The following KIR3DL2 variants were observed in gnomAD, a reference collection of about 807,000 sequenced individuals.
The protein encoded by KIR3DL2 is killer cell immunoglobulin-like receptor 3DL2.
A neutral mutation model predicts 41.6 loss-of-function variants in KIR3DL2; 42 were observed. That is an observed-to-expected ratio of 1.01 (90% CI 0.79 to 1.31). The LOEUF (loss-of-function observed/expected upper bound fraction) is 1.31, where lower values mean the gene tolerates loss of function less well. KIR3DL2 is among the 50% of genes most tolerant of loss of function. The pLI, the probability that KIR3DL2 is intolerant of heterozygous loss-of-function variation, is 0.00. For synonymous variants in KIR3DL2, 230 were observed against 221.3 expected (o/e 1.04, Z -0.35); for missense variants, 728 against 576.8 (o/e 1.26, Z -2.68).
chr19:54,860,622 G>C (rs1309882322), intron 6 of KIR3DL2, among the ~76,000 whole-genome samples: 1 of 151,544 alleles, frequency 6.6e-6, no homozygotes, highest in African/African-American at 2.4e-5. Context: ...TGATCCAATA[G>C]CCTCTGCCTC....
chr19:54,853,887 C>G lies in KIR3DL2; in HGVS notation c.496C>G (p.Arg166Gly), dbSNP rs750152740. The change falls in exon 4 of 9, where the codon CGC (arginine) becomes GGC (glycine). Residue 166 changes from arginine (R) to glycine (G), a missense_variant. By Grantham distance (125) the Arg-to-Gly change is moderately radical. Transcript: ENST00000326321. ...AGAGGGGATCTCTGAGGACCCCTCA[C>G]GCCTCGTTGGACAGATCCATGATGG... ...HREGISEDPSRLVGQIHDGVS... is the reference protein window; with the variant it reads ...HREGISEDPSGLVGQIHDGVS... The G allele has an allele frequency of 3.7e-6, 6 of 1,613,248 alleles. No individual in the cohort carries two copies. The highest frequency in any genetic ancestry group is 4.2e-6 in the Non-Finnish European group (5 of 1,179,828).
rs747059054 is a variant in KIR3DL2, at chr19:54,853,787, C to G, written c.396C>G (p.Pro132=). The G allele has an allele frequency of 1.8e-4, 286 of 1,611,808 alleles. No homozygotes were observed. In the South Asian group the frequency reaches 3.0e-3, roughly 17 times the overall value. ...RKPSLLAHPG[P]LLKSGETVIL... ...CTTCCCTCCTGGCCCACCCAGGGCC[C>G]CTGCTGAAATCAGGAGAGACAGTCA... is the stretch of plus-strand genomic sequence containing the variant. The change falls in exon 4 of 9, where the codon CCC becomes CCG. Residue 132 remains proline (P), a synonymous_variant. Coordinates refer to ENST00000326321, the MANE Select transcript of KIR3DL2 (RefSeq NM_006737.4).
chr19:54,854,146 A>C, intron 4 of KIR3DL2, 100 bp downstream of exon 4: 1 of 1,395,412 alleles, frequency 7.2e-7, no homozygotes, highest in Non-Finnish European at 1.0e-6. Context: ...TAAGCGTGGG[A>C]TTCTTATGGA....
chr19:54,854,359 G>A (rs1291051894), intron 4 of KIR3DL2, among the ~76,000 whole-genome samples: 1 of 151,786 alleles, frequency 6.6e-6, no homozygotes, highest in Non-Finnish European at 1.5e-5. Flanking sequence ...CAGAGACCTG[G>A]CACAGGTTAG....
At chr19:54,862,564 G>A (rs146121024) in intron 6 of KIR3DL2, among the ~76,000 whole-genome samples, 5,357 of 152,048 alleles carry the variant, frequency 0.035, 305 homozygotes, top group African/African-American at 0.12. Context: ...AAAGCTGCTC[G>A]GGACATATGG....
intron 1 of KIR3DL2, 56 bp from the exon 2 acceptor site, chr19:54,851,164 G>T: frequency 6.3e-7 from 1 of 1,599,914 alleles, no homozygotes; most frequent in African/African-American, 1.4e-5. Context: ...AGTGGGGGCA[G>T]CAGGGTGCCC....
chr19:54,860,420 G>A (rs1348202067), intron 6 of KIR3DL2, among the ~76,000 whole-genome samples: 1 of 152,054 alleles, frequency 6.6e-6, no homozygotes, highest in Non-Finnish European at 1.5e-5. Flanking sequence ...GTCCAGGCTA[G>A]AGTGCGGTGG....
Position 54,855,348 on chromosome 19 carries a change from G to A in KIR3DL2, c.656-271G>A, listed in dbSNP as rs2064658728. On this transcript the variant is annotated intron_variant, in intron 4 of 8. Coordinates refer to ENST00000326321, the MANE Select transcript of KIR3DL2 (RefSeq NM_006737.4). ...TGAGAGACTCAGAATTATAGAAAAA[G>A]GAAGATCAAGTCAACCAATCCAAGG... 1.3e-5 allele frequency among the ~76,000 whole-genome samples: 2 copies of A among 151,718 alleles called. 1 individual carries two copies. Among genetic ancestry groups the A allele is most frequent in the Non-Finnish European group, 2.9e-5 (2 of 67,968 alleles).
At chr19:54,864,132 G>A (rs1161838936) in intron 6 of KIR3DL2, among the ~76,000 whole-genome samples, 1 of 152,000 alleles carries the variant, frequency 6.6e-6, no homozygotes, top group Non-Finnish European at 1.5e-5. Flanking sequence ...CCCATTGCTT[G>A]TTTTTCTCAG....
At position 54,865,817 on chromosome 19, in the gene KIR3DL2, A is replaced by T; in HGVS notation, c.1013A>T (p.His338Leu). The change falls in exon 7 of 9, where the codon CAC becomes CTC. Residue 338 changes from histidine (H) to leucine (L), a missense_variant. Physicochemically the swap from His to Leu is moderately conservative, Grantham distance 99 (BLOSUM62 -3). Transcript: ENST00000326321. The stretch of plus-strand genomic sequence containing the variant: ...CATCTTCCTCCAGGTATCTGCAGAC[A>T]CCTGCATGTTCTGATTGGGACCTCA... The part of the protein sequence containing the change: ...EPSSKSGICR[H>L]LHVLIGTSVV... 2 of 1,612,934 alleles carry T rather than the reference A, an allele frequency of 1.2e-6. No homozygotes were observed. Among genetic ancestry groups the T allele is most frequent in the Non-Finnish European group, 1.7e-6 (2 of 1,178,996 alleles).
At chr19:54,852,799 C>CTTGA (rs2064395200) in intron 3 of KIR3DL2, among the ~76,000 whole-genome samples, 1 of 150,936 alleles carries the variant, frequency 6.6e-6, no homozygotes. Context: ...CTGCAGATGC[C>CTTGA]TTGATTTCAG....
At chr19:54,860,521 C>G (rs1252513232) in intron 6 of KIR3DL2, among the ~76,000 whole-genome samples, 1 of 151,968 alleles carries the variant, frequency 6.6e-6, no homozygotes, top group Non-Finnish European at 1.5e-5. Context: ...AGACCACAAC[C>G]ACCACGCCCG....
intron 6 of KIR3DL2, among the ~76,000 whole-genome samples, chr19:54,862,656 C>T (rs1433828735): frequency 6.6e-6 from 1 of 151,970 alleles, no homozygotes; most frequent in East Asian, 1.9e-4. Context: ...ACAGGAAGCA[C>T]TCAGCTAAAG....
chr19:54,852,031 C>T lies in KIR3DL2; in HGVS notation c.104C>T (p.Pro35Leu). 1.2e-6 allele frequency: 2 copies of T among 1,611,660 alleles called. No homozygotes were observed. Among genetic ancestry groups the T allele is most frequent in the Non-Finnish European group, 1.7e-6 (2 of 1,178,796 alleles). Reference protein sequence around the residue: ...GQDKPFLSARPSTVVPRGGHV... With the variant: ...GQDKPFLSARLSTVVPRGGHV... ...GACAAACCCTTCCTGTCTGCCCGGC[C>T]CAGCACTGTGGTGCCTCGAGGAGGA... is the stretch of plus-strand genomic sequence containing the variant. Residue 35 changes from proline (P) to leucine (L), a missense_variant, in exon 3 of 9, where the codon CCC becomes CTC. Physicochemically the swap from Pro to Leu is moderately conservative, Grantham distance 98 (BLOSUM62 -3). Transcript: ENST00000326321.
rs150015598 is a variant in KIR3DL2, at chr19:54,863,104, T to C, written c.1001-2701T>C. Among the ~76,000 whole-genome samples the C allele has an allele frequency of 4.1e-3, 606 of 146,158 alleles. 7 individuals are homozygous for C. The highest frequency in any genetic ancestry group is 7.1e-3 in the Middle Eastern group (2 of 282). ...CCCACCTATAAGTGAGAACATGCGG[T>C]GTTTGGATTTTTGTCCTTGTGATAG... On this transcript the variant is annotated intron_variant, in intron 6 of 8. Coordinates refer to ENST00000326321, the MANE Select transcript of KIR3DL2 (RefSeq NM_006737.4).
Position 54,866,398 on chromosome 19 carries a change from G to C in KIR3DL2, c.1134G>C (p.Ala378=), listed in dbSNP as rs540202245. 4 of 1,613,794 alleles carry C rather than the reference G, an allele frequency of 2.5e-6. No individual in the cohort carries two copies. Among genetic ancestry groups the C allele is most frequent in the Non-Finnish European group, 3.4e-6 (4 of 1,179,928 alleles). Residue 378 remains alanine (A), a synonymous_variant, in exon 8 of 9, where the codon GCG becomes GCC. Transcript: ENST00000326321. ...CTGCTGTAATGGACCAAGAGCCTGCGGGGGACAGAACAGTGAATAGGCAGG... is the reference window on the plus strand; with the variant it reads ...CTGCTGTAATGGACCAAGAGCCTGCCGGGGACAGAACAGTGAATAGGCAGG... ...KNAAVMDQEP[A]GDRTVNRQDS...
intron 3 of KIR3DL2, among the ~76,000 whole-genome samples, chr19:54,852,885 G>C (rs368553216): frequency 5.2e-4 from 78 of 150,568 alleles, no homozygotes; most frequent in South Asian, 1.5e-3. Context: ...TGCCATGTTT[G>C]TGATAATTTT....
chr19:54,863,298 T>C (rs2065305954), intron 6 of KIR3DL2, among the ~76,000 whole-genome samples: 1 of 151,996 alleles, frequency 6.6e-6, no homozygotes, highest in Non-Finnish European at 1.5e-5. Flanking sequence ...CTATTGTGAA[T>C]AGTGCCACAA....
At chr19:54,858,565 C>A (rs2064959311) in intron 5 of KIR3DL2, among the ~76,000 whole-genome samples, 2 of 151,190 alleles carry the variant, frequency 1.3e-5, no homozygotes, top group South Asian at 4.2e-4. Context: ...CTCGTCTCTA[C>A]TAAAAATACA....
Sources: allele counts gnomAD v4.1 joint callset (sites outside exome capture counted in the v4.1 genomes callset), GRCh38; gene constraint gnomAD v4.1.1; transcripts MANE v1.5; gene names NCBI Gene and HGNC (gene_info 2026-07-23, HGNC 2026-07-21).